TNFRSF10A: variants seen among roughly 807,000 people sequenced by gnomAD.
TNFRSF10A encodes tumor necrosis factor receptor superfamily member 10A.
TNFRSF10A carries 44 observed loss-of-function variants against 42.8 expected under a neutral mutation model. That is an observed-to-expected ratio of 1.03 (90% CI 0.81 to 1.32). The LOEUF is 1.32. Ranked by LOEUF, TNFRSF10A falls within the 40% of genes most tolerant of loss-of-function variation. The pLI, the probability that TNFRSF10A is intolerant of heterozygous loss-of-function variation, is 0.00. For synonymous variants in TNFRSF10A, 259 were observed against 234.2 expected, an observed-to-expected ratio of 1.11 and a Z score of -0.97; for missense variants, 680 against 602.0, an observed-to-expected ratio of 1.13 and a Z score of -1.36.
Position 23,201,891 on chromosome 8 carries a change from C to A in TNFRSF10A, c.546G>T (p.Thr182=). Residue 182 remains threonine, a synonymous_variant, in exon 4 of 10, where the codon ACG becomes ACT. Coordinates refer to ENST00000221132, the MANE Select transcript of TNFRSF10A (RefSeq NM_003844.4). The stretch of plus-strand genomic sequence containing the variant: ...TGCACTGACATGCTGTGTTCCTGGT[C>A]GTGGTGCAGGGACTTCTCTCTTCTT... ...SDEEERSPCT[T]TRNTACQCKP... is the part of the protein sequence containing the mutation. 2 of 1,614,086 alleles carry A rather than the reference C, an allele frequency of 1.2e-6. No individual in the cohort carries two copies. Among genetic ancestry groups the A allele is most frequent in the Non-Finnish European group, 1.7e-6 (2 of 1,180,034 alleles).
At chr8:23,202,127 C>T (rs1184825838) in intron 3 of TNFRSF10A, among the ~76,000 whole-genome samples, 2 of 152,172 alleles carry the variant, frequency 1.3e-5, no homozygotes, top group Non-Finnish European at 2.9e-5. Context: ...ACAAAAGGAC[C>T]ATGATTCATT....
intron 1 of TNFRSF10A, among the ~76,000 whole-genome samples, chr8:23,214,357 G>A (rs1446671816): frequency 5.3e-5 from 8 of 151,792 alleles, no homozygotes; most frequent in Admixed American, 3.3e-4. Context: ...GCGTGGTGGC[G>A]GGTGCCTGTA....
At chr8:23,221,164 G>A (rs775654907) in intron 1 of TNFRSF10A, among the ~76,000 whole-genome samples, 1 of 152,156 alleles carries the variant, frequency 6.6e-6, no homozygotes, top group Admixed American at 6.5e-5. Context: ...GTGCTCTGGG[G>A]ATCCAGAGTC....
Position 23,202,628 on chromosome 8 carries a change from G to C in TNFRSF10A, c.517+20C>G. 3 of 1,592,088 alleles carry C rather than the reference G, an allele frequency of 1.9e-6. No individual in the cohort carries two copies. The highest frequency in any genetic ancestry group is 2.6e-6 in the Non-Finnish European group (3 of 1,160,188). On this transcript the variant is annotated intron_variant, in intron 3 of 9. Coordinates refer to ENST00000221132, the MANE Select transcript of TNFRSF10A (RefSeq NM_003844.4). ...TGCCCCTCACTCCACCTCTGGACAA[G>C]AGGTCCACACATTCTGTACCTGATT...
Position 23,224,866 on chromosome 8 carries a change from C to A in TNFRSF10A, c.196G>T (p.Ala66Ser). 2 of 1,574,364 alleles carry A rather than the reference C, an allele frequency of 1.3e-6. No homozygotes were observed. Among genetic ancestry groups the A allele is most frequent in the East Asian group, 2.4e-5 (1 of 42,470 alleles). The change falls in exon 1 of 10, where the codon GCC (alanine) becomes TCC (serine). Residue 66 changes from alanine to serine, a missense_variant. Ala to Ser is a moderately conservative substitution (Grantham distance 99). Coordinates refer to ENST00000221132, the MANE Select transcript of TNFRSF10A (RefSeq NM_003844.4). Reference sequence around the variant, plus strand: ...GGGGCGCGCCCTGCCCGGGCCCGGGCACTGGGTCCGTGCTGTCCCATGGAG... The same window carrying A: ...GGGGCGCGCCCTGCCCGGGCCCGGGAACTGGGTCCGTGCTGTCCCATGGAG... ...PTSMGQHGPS[A>S]RARAGRAPGP...
At chr8:23,215,542 A>G (rs1320974350) in intron 1 of TNFRSF10A, among the ~76,000 whole-genome samples, 1 of 152,168 alleles carries the variant, frequency 6.6e-6, no homozygotes, top group Non-Finnish European at 1.5e-5. Context: ...AAATAAATAA[A>G]TAAACAAACA....
chr8:23,198,768 CATGTGCGTGT>C (rs764054610), intron 8 of TNFRSF10A, among the ~76,000 whole-genome samples: 1 of 152,126 alleles, frequency 6.6e-6, no homozygotes, highest in Admixed American at 6.5e-5. Context: ...CATGTGTGTG[CATGTGCGTGT>C]ATGTGCGTGT....
chr8:23,224,511 C>A (rs921344145), intron 1 of TNFRSF10A: 23 of 541,680 alleles, frequency 4.2e-5, no homozygotes, highest in Non-Finnish European at 7.2e-5. Flanking sequence ...CAGCAGCCAA[C>A]GGGGTGGAGT....
chr8:23,219,580 G>A (rs1801229253), intron 1 of TNFRSF10A, among the ~76,000 whole-genome samples: 1 of 152,228 alleles, frequency 6.6e-6, no homozygotes, highest in Admixed American at 6.5e-5. Flanking sequence ...AAACCACACT[G>A]TTAAGGAGAA....
rs551873497 is a variant in TNFRSF10A at position 23,196,521 on chromosome 8, A to ATAT, written c.1087+608_1087+610dup. On this transcript the variant is annotated intron_variant, in intron 9 of 9. Transcript: ENST00000221132. ...CACATTGTTACATTTTATCCCTACTATATAAACCCCTAGTTTTAGTCCATC... is the reference window on the plus strand; with the variant it reads ...CACATTGTTACATTTTATCCCTACTATATTATAAACCCCTAGTTTTAGTCCATC... 3.5e-3 allele frequency among the ~76,000 whole-genome samples: 536 copies of ATAT among 152,260 alleles called. 3 individuals carry two copies. Among genetic ancestry groups the ATAT allele is most frequent in the African/African-American group, 0.011 (443 of 41,554 alleles).
intron 9 of TNFRSF10A, 49 bp from the exon 10 acceptor site, chr8:23,192,062 C>T (rs1386602457): frequency 6.4e-7 from 1 of 1,562,210 alleles, no homozygotes. Context: ...GGACTCAGTT[C>T]AGAAGGGGCA....
chr8:23,200,781 AGGGG>A, intron 4 of TNFRSF10A, 21 bp from the exon 5 acceptor site: 16 of 705,558 alleles, frequency 2.3e-5, no homozygotes, highest in East Asian at 3.8e-5. Flanking sequence ...ACAGGGAGGG[AGGGG>A]GGGGACTCTT....
intron 1 of TNFRSF10A, among the ~76,000 whole-genome samples, chr8:23,218,721 C>G (rs1314014487): frequency 6.6e-6 from 1 of 152,152 alleles, no homozygotes; most frequent in Non-Finnish European, 1.5e-5. Context: ...TGGGAAAGGT[C>G]AGCAGAACCC....
intron 9 of TNFRSF10A, 99 bp from the exon 10 acceptor site, chr8:23,192,112 T>C (rs1800763761): frequency 1.3e-6 from 2 of 1,501,616 alleles, no homozygotes; most frequent in East Asian, 2.5e-5. Context: ...GGAGAGAACC[T>C]GGAGAGCCCC....
intron 4 of TNFRSF10A, 33 bp from the exon 5 acceptor site, chr8:23,200,793 C>G (rs773571090): frequency 6.9e-6 from 11 of 1,588,962 alleles, no homozygotes; most frequent in South Asian, 1.1e-5. Context: ...GGGGGGGACT[C>G]TTGATGGAAA....
chr8:23,213,114 A>G (rs1028524662), intron 1 of TNFRSF10A, among the ~76,000 whole-genome samples: 3 of 152,180 alleles, frequency 2.0e-5, no homozygotes, highest in Non-Finnish European at 4.4e-5. Context: ...TCATGATTGA[A>G]TATTGGTAGG....
intron 1 of TNFRSF10A, among the ~76,000 whole-genome samples, chr8:23,213,436 CTTTTTTTTTTTTTT>C (rs58691757): frequency 1.7e-3 from 114 of 68,658 alleles, no homozygotes; most frequent in Non-Finnish European, 2.5e-3. Context: ...GTTTGCTCCT[CTTTTTTTTTTTTTT>C]TTTTTTTTTT....
intron 9 of TNFRSF10A, among the ~76,000 whole-genome samples, chr8:23,192,958 G>C (rs563997051): frequency 6.6e-6 from 1 of 152,256 alleles, no homozygotes; most frequent in Admixed American, 6.5e-5. Flanking sequence ...TGGGATGTGG[G>C]ACCCCTCATT....
intron 9 of TNFRSF10A, among the ~76,000 whole-genome samples, chr8:23,192,643 G>A (rs903574852): frequency 6.6e-6 from 1 of 152,218 alleles, no homozygotes; most frequent in African/African-American, 2.4e-5. Context: ...GGAGTACCAA[G>A]CTATGTTTTC....
Sources: allele counts gnomAD v4.1 joint callset (sites outside exome capture counted in the v4.1 genomes callset), GRCh38; gene constraint gnomAD v4.1.1; transcripts MANE v1.5; gene names NCBI Gene and HGNC (gene_info 2026-07-23, HGNC 2026-07-21).